Variants in PI4KA observed in about 807,000 individuals in gnomAD.
The protein encoded by PI4KA is PI4-kinase alpha.
A neutral mutation model predicts 271.4 loss-of-function variants in PI4KA; 122 were observed. The ratio of observed to expected loss-of-function variants is 0.45; its 90% CI spans 0.39 to 0.52. The LOEUF is 0.52. PI4KA is among the 20% of genes least tolerant of loss of function. The pLI, the probability that PI4KA is intolerant of heterozygous loss-of-function variation, is 0.00. For synonymous variants in PI4KA, 1,041 were observed against 1,078.8 expected (o/e 0.96, Z 0.69); for missense variants, 1,969 against 2,769.1 (o/e 0.71, Z 6.48).
At chr22:20,853,337 G>A (rs998803950) in intron 1 of PI4KA, among the ~76,000 whole-genome samples, 6 of 152,124 alleles carry the variant, frequency 3.9e-5, no homozygotes, top group South Asian at 2.1e-4. Context: ...GAACTTCCCT[G>A]ACAAAGGAAG....
chr22:20,818,496 A>ATC lies in PI4KA; in HGVS notation c.842_843insGA (p.Phe281LeufsTer16). The ATC allele has an allele frequency of 6.3e-7, 1 of 1,580,568 alleles. No individual in the cohort carries two copies. The highest frequency in any genetic ancestry group is 8.6e-7 in the Non-Finnish European group (1 of 1,167,264). On this transcript the variant is annotated frameshift_variant, in exon 7 of 55. Coordinates refer to ENST00000255882, the MANE Select transcript of PI4KA (RefSeq NM_058004.4). LOFTEE classifies it high-confidence loss of function. ...GGTGAAGCCCACCTTCAAAGTAGTG[A>ATC]AAGGCAGATCCTCCAGGGGAACTGG...
intron 50 of PI4KA, among the ~76,000 whole-genome samples, chr22:20,711,934 G>A (rs1925335587): frequency 6.6e-6 from 1 of 151,176 alleles, no homozygotes; most frequent in African/African-American, 2.4e-5. Flanking sequence ...TAGTAGAGAT[G>A]GGGTTTCACC....
intron 9 of PI4KA, among the ~76,000 whole-genome samples, chr22:20,807,969 T>A (rs1297995482): frequency 6.6e-6 from 1 of 150,918 alleles, no homozygotes; most frequent in Admixed American, 6.6e-5. Context: ...AAAAAAAAAA[T>A]TCACACAAGG....
intron 1 of PI4KA, among the ~76,000 whole-genome samples, chr22:20,850,386 T>C (rs1236768098): frequency 6.6e-6 from 1 of 151,852 alleles, no homozygotes; most frequent in Non-Finnish European, 1.5e-5. Context: ...TAGCTGACTG[T>C]GGTGGCGCAT....
rs967588412 is a variant in PI4KA, at chr22:20,721,534, C to T, written c.4996-116G>A. The T allele has an allele frequency of 2.7e-6, 3 of 1,094,440 alleles. No homozygotes were observed. In the South Asian group the frequency reaches 4.0e-5, roughly 14 times the overall value. The allele number at this position is 1,094,440 out of a possible 1,614,324, so 67.8% of individuals were successfully genotyped here. A position where few individuals can be genotyped will look rare whatever the true frequency, so the allele number is the denominator to read the frequency against. Reference sequence around the variant, plus strand: ...ACCAGGCAAGGGTAAGGCCCGGTGGCTCTAGTGGTGTGGACAAGCTCTCCA... The same window carrying T: ...ACCAGGCAAGGGTAAGGCCCGGTGGTTCTAGTGGTGTGGACAAGCTCTCCA... On this transcript the variant is annotated intron_variant, in intron 42 of 54. Transcript: ENST00000255882.
intron 5 of PI4KA, 132 bp downstream of exon 5, chr22:20,820,407 A>G: frequency 1.5e-6 from 1 of 650,558 alleles, no homozygotes. Context: ...AACACACAAC[A>G]AATCAAACTA....
intron 19 of PI4KA, among the ~76,000 whole-genome samples, chr22:20,778,827 C>T (rs1016543952): frequency 6.6e-6 from 1 of 152,162 alleles, no homozygotes. Context: ...GAGCCACACC[C>T]CTTTCCGTAC....
chr22:20,805,038 T>A lies in PI4KA; in HGVS notation c.1296A>T (p.Lys432Asn). Reference sequence around the variant, plus strand: ...AGGCAGCATTCGCCTGACAGCGCAGTTTGAGGGGGCTCAGCTCATTGTGGA... The same window carrying A: ...AGGCAGCATTCGCCTGACAGCGCAGATTGAGGGGGCTCAGCTCATTGTGGA... Reference protein sequence around the residue: ...DRIHNELSPLKLRCQANAACV... With the variant: ...DRIHNELSPLNLRCQANAACV... The change falls in exon 11 of 55, where the codon AAA (lysine) becomes AAT (asparagine). Residue 432 changes from lysine (K) to asparagine (N), a missense_variant. Lys to Asn is a moderately conservative substitution (Grantham distance 94). This residue lies in a region of PI4KA where 540 missense variants were observed against 555.5 expected (regional missense o/e 0.97). Transcript: ENST00000255882. 6.2e-7 allele frequency: 1 copy of A among 1,614,152 alleles called. No individual in the cohort carries two copies. Among genetic ancestry groups the A allele is most frequent in the Admixed American group, 1.7e-5 (1 of 60,028 alleles).
At chr22:20,753,436 C>T (rs1042281163) in intron 23 of PI4KA, among the ~76,000 whole-genome samples, 3 of 152,194 alleles carry the variant, frequency 2.0e-5, no homozygotes, top group African/African-American at 7.2e-5. Context: ...CCCAGGTCTC[C>T]CACACATGCC....
At chr22:20,847,495 C>T (rs942637041) in intron 1 of PI4KA, among the ~76,000 whole-genome samples, 7 of 151,854 alleles carry the variant, frequency 4.6e-5, no homozygotes, top group African/African-American at 1.5e-4. Flanking sequence ...GAGGCTGAGG[C>T]GGGTGGATCT....
intron 25 of PI4KA, 69 bp from the exon 26 acceptor site, chr22:20,751,824 C>T: frequency 7.2e-7 from 1 of 1,386,942 alleles, no homozygotes; most frequent in South Asian, 1.2e-5. Context: ...TAGGAGCCCC[C>T]TCAGCTGCCA....
rs750490037 is a variant in PI4KA, at chr22:20,742,807, C to T, written c.3457-43G>A. 3.7e-6 allele frequency: 6 copies of T among 1,602,420 alleles called. No individual in the cohort carries two copies. The Admixed American group carries it at 8.3e-5, about 22-fold the overall frequency. On this transcript the variant is annotated intron_variant, in intron 30 of 54. Transcript: ENST00000255882. ...TCAGCAACTAAGCATATAATCCAGG[C>T]AATGTGGGTAAGGTTCTGGAAGCCA...
At chr22:20,727,925 A>T in intron 39 of PI4KA, 61 bp from the exon 40 acceptor site, 1 of 1,277,800 alleles carries the variant, frequency 7.8e-7, no homozygotes. Context: ...CTCTCCCACC[A>T]CACTGGAGTG....
chr22:20,803,024 G>A (rs1171333260), intron 13 of PI4KA, among the ~76,000 whole-genome samples, 167 bp downstream of exon 13: 1 of 152,118 alleles, frequency 6.6e-6, no homozygotes, highest in East Asian at 1.9e-4. Context: ...GATGAGAGAA[G>A]GCCGGGGAAG....
intron 1 of PI4KA, among the ~76,000 whole-genome samples, chr22:20,846,372 T>G (rs1221551792): frequency 6.6e-6 from 1 of 150,946 alleles, no homozygotes; most frequent in African/African-American, 2.4e-5. Context: ...TTATGTTATA[T>G]GAACTTTATC....
chr22:20,731,331 C>G (rs1212678109), intron 36 of PI4KA, among the ~76,000 whole-genome samples: 1 of 152,218 alleles, frequency 6.6e-6, no homozygotes, highest in African/African-American at 2.4e-5. Context: ...TGTTTGCCCT[C>G]TTCTAAGTGG....
intron 1 of PI4KA, among the ~76,000 whole-genome samples, chr22:20,848,608 C>T (rs1926574229): frequency 6.6e-6 from 1 of 152,136 alleles, no homozygotes; most frequent in Admixed American, 6.5e-5. Flanking sequence ...TCCAAGAAAT[C>T]GTGCTGAGAC....
At chr22:20,794,248 A>G (rs1239744238) in intron 18 of PI4KA, among the ~76,000 whole-genome samples, 2 of 152,218 alleles carry the variant, frequency 1.3e-5, no homozygotes, top group Non-Finnish European at 2.9e-5. Flanking sequence ...AGTTTAATTT[A>G]TAATTATAGC....
chr22:20,748,017 T>C (rs112781902), intron 28 of PI4KA, among the ~76,000 whole-genome samples: 3 of 152,332 alleles, frequency 2.0e-5, no homozygotes, highest in Admixed American at 6.5e-5. Flanking sequence ...ATTACAGGCA[T>C]GAGCCACTGT....
Sources: allele counts gnomAD v4.1 joint callset (sites outside exome capture counted in the v4.1 genomes callset), GRCh38; gene constraint gnomAD v4.1.1; regional missense constraint gnomAD v4.1.1; transcripts MANE v1.5; gene names NCBI Gene and HGNC (gene_info 2026-07-23, HGNC 2026-07-21).